C12orf42: variants seen among roughly 807,000 people sequenced by gnomAD.
C12orf42 encodes the protein uncharacterized protein C12orf42.
C12orf42 carries 25 observed loss-of-function variants against 21.6 expected under a neutral mutation model. That is an observed-to-expected ratio of 1.16 (90% CI 0.84 to 1.62). C12orf42 has a LOEUF of 1.62. C12orf42 is among the 40% of genes most tolerant of loss of function. C12orf42 has a pLI of 0.00. For missense variants in C12orf42, 483 were observed against 459.3 expected (o/e 1.05, Z -0.47); for synonymous variants, 174 against 175.0 (o/e 0.99, Z 0.05).
chr12:103,192,022 A>G, the C12orf42 span, among the ~76,000 whole-genome samples: 2 of 152,290 alleles, frequency 1.3e-5, no homozygotes, highest in Middle Eastern at 6.8e-3. Context: ...ATATTGCTAC[A>G]AAAAATCATC....
intron 4 of C12orf42, among the ~76,000 whole-genome samples, chr12:103,366,426 C>T (rs2044607440): frequency 6.6e-6 from 1 of 151,866 alleles, no homozygotes; most frequent in South Asian, 2.1e-4. Flanking sequence ...TGACCAAGAA[C>T]CCAAAAGCAA....
chr12:103,362,509 C>A (rs1026227034), intron 4 of C12orf42, among the ~76,000 whole-genome samples: 7 of 151,976 alleles, frequency 4.6e-5, no homozygotes, highest in Non-Finnish European at 7.4e-5. Flanking sequence ...AACCAAAAAA[C>A]AAATCCCTTA....
At chr12:103,406,616 T>G (rs1011266143) in intron 2 of C12orf42, among the ~76,000 whole-genome samples, 1 of 152,222 alleles carries the variant, frequency 6.6e-6, no homozygotes, top group Non-Finnish European at 1.5e-5. Flanking sequence ...GTTTGCCATT[T>G]ACTATGTTCA....
chr12:103,287,861 A>G (rs1261926234), intron 4 of C12orf42, among the ~76,000 whole-genome samples: 3 of 152,100 alleles, frequency 2.0e-5, no homozygotes, highest in Admixed American at 2.0e-4. Context: ...CACTGGAGTG[A>G]AAGTTTTGTT....
At chr12:103,352,341 A>T (rs1478731820) in intron 4 of C12orf42, among the ~76,000 whole-genome samples, 2 of 152,188 alleles carry the variant, frequency 1.3e-5, no homozygotes, top group African/African-American at 4.8e-5. Flanking sequence ...GACTATGAAG[A>T]AATAAAAATA....
the C12orf42 span, among the ~76,000 whole-genome samples, chr12:103,553,251 C>T: frequency 6.6e-6 from 1 of 152,136 alleles, no homozygotes; most frequent in African/African-American, 2.4e-5. Context: ...AAAAACCACC[C>T]CTGGTTGAGA....
chr12:103,508,132 CTA>C, the C12orf42 span, among the ~76,000 whole-genome samples: 18 of 152,236 alleles, frequency 1.2e-4, no homozygotes, highest in Non-Finnish European at 2.2e-4. Flanking sequence ...CCCCAACTTA[CTA>C]TGATTTGATG....
downstream of C12orf42, among the ~76,000 whole-genome samples, chr12:103,300,719 A>G (rs370257963): frequency 1.5e-4 from 23 of 152,328 alleles, 1 homozygote; most frequent in East Asian, 3.7e-3. Context: ...TAAAACTTCT[A>G]CATAAGTCCA....
chr12:103,143,009 G>C, the C12orf42 span, among the ~76,000 whole-genome samples: 2 of 152,312 alleles, frequency 1.3e-5, no homozygotes, highest in South Asian at 4.1e-4. Context: ...GGCAAGGTTG[G>C]AGGCTGGGGT....
the C12orf42 span, among the ~76,000 whole-genome samples, chr12:103,157,772 T>C: frequency 4.6e-5 from 7 of 152,214 alleles, no homozygotes; most frequent in Non-Finnish European, 1.5e-5. Context: ...GAAGATCAGA[T>C]GGTTGTAGGT....
the C12orf42 span, among the ~76,000 whole-genome samples, chr12:103,104,209 A>G: frequency 6.6e-6 from 1 of 152,200 alleles, no homozygotes; most frequent in Admixed American, 6.5e-5. Context: ...TGATAGACAG[A>G]CTCATTACAG....
chr12:103,438,058 A>G (rs1950887691), intron 2 of C12orf42, among the ~76,000 whole-genome samples: 1 of 150,834 alleles, frequency 6.6e-6, no homozygotes, highest in South Asian at 2.2e-4. Context: ...CTTATCCACC[A>G]AGATCAAGCG....
chr12:103,242,105 A>G (rs903085046), intron 10 of C12orf42, among the ~76,000 whole-genome samples: 1 of 152,116 alleles, frequency 6.6e-6, no homozygotes, highest in Non-Finnish European at 1.5e-5. Context: ...TCATTGGCTC[A>G]TGGAGTCAAC....
chr12:103,269,703 C>T (rs1192621698), intron 6 of C12orf42: 1 of 152,140 alleles, frequency 6.6e-6, no homozygotes, highest in Non-Finnish European at 1.5e-5. Context: ...ATAGAAGACC[C>T]AGTCCCTCCC....
chr12:103,515,479 T>G, the C12orf42 span, among the ~76,000 whole-genome samples: 8 of 152,228 alleles, frequency 5.3e-5, no homozygotes, highest in Non-Finnish European at 1.0e-4. Context: ...AAAATTCCTT[T>G]GAAAACCCAA....
chr12:103,173,449 C>G, the C12orf42 span, among the ~76,000 whole-genome samples: 1 of 152,108 alleles, frequency 6.6e-6, no homozygotes, highest in Admixed American at 6.6e-5. Flanking sequence ...CTTCCTAAAT[C>G]ATGAACTCTG....
intron 4 of C12orf42, among the ~76,000 whole-genome samples, chr12:103,307,524 T>G (rs990883968): frequency 1.3e-5 from 2 of 152,106 alleles, no homozygotes; most frequent in Non-Finnish European, 2.9e-5. Flanking sequence ...AAGTCCCCAA[T>G]TGTCAAAGAT....
At chr12:103,551,404 T>TG in the C12orf42 span, among the ~76,000 whole-genome samples, 1 of 152,188 alleles carries the variant, frequency 6.6e-6, no homozygotes, top group Non-Finnish European at 1.5e-5. Context: ...GTAATCCTAA[T>TG]GTTTTGGAAG....
chr12:103,549,124 T>C, the C12orf42 span: 3 of 152,236 alleles, frequency 2.0e-5, no homozygotes, highest in South Asian at 6.2e-4. Context: ...AAACCCTTTA[T>C]GTGTTTTCAT....
Sources: gnomAD v4.1 joint callset for allele counts (sites outside exome capture counted in the v4.1 genomes callset) on GRCh38, gnomAD v4.1.1 for gene constraint, MANE v1.5 for transcripts, NCBI Gene and HGNC (gene_info 2026-07-23, HGNC 2026-07-21) for gene names.